DIAPH3: variants seen among roughly 807,000 people sequenced by gnomAD.
The protein encoded by DIAPH3 is diaphanous related formin 3.
A neutral mutation model predicts 144.3 loss-of-function variants in DIAPH3; 117 were observed. That is an observed-to-expected ratio of 0.81 (90% confidence interval 0.70 to 0.95). DIAPH3 has a LOEUF of 0.95. DIAPH3 is among the 40% of genes least tolerant of loss of function. The pLI is 0.00. For missense variants in DIAPH3, 1,421 were observed against 1,412.7 expected, an observed-to-expected ratio of 1.01 and a Z score of -0.09; for synonymous variants, 519 against 488.9, an observed-to-expected ratio of 1.06 and a Z score of -0.81.
chr13:60,079,217 G>C (rs561521199), intron 4 of DIAPH3, among the ~76,000 whole-genome samples: 2 of 152,026 alleles, frequency 1.3e-5, no homozygotes, highest in African/African-American at 2.4e-5. Context: ...AAAAAATAAA[G>C]CATGATTTAT....
chr13:59,934,969 T>G (rs1322303273), intron 17 of DIAPH3, among the ~76,000 whole-genome samples: 1 of 152,190 alleles, frequency 6.6e-6, no homozygotes, highest in Non-Finnish European at 1.5e-5. Context: ...AAGAGAAATG[T>G]TTAGTCTCCA....
chr13:59,713,419 T>C (rs1248423816), intron 27 of DIAPH3, among the ~76,000 whole-genome samples: 4 of 152,096 alleles, frequency 2.6e-5, no homozygotes, highest in Admixed American at 2.0e-4. Context: ...TCTGTAAACA[T>C]CTTACAATTA....
intron 27 of DIAPH3, among the ~76,000 whole-genome samples, chr13:59,689,789 C>A (rs1278051448): frequency 2.5e-5 from 2 of 79,612 alleles, no homozygotes; most frequent in Non-Finnish European, 5.3e-5. Flanking sequence ...CTGTATTAAG[C>A]AGTGTGTGTG....
In DIAPH3 at chr13:59,872,155, G is replaced by C. The variant is rs947010450; in HGVS notation, c.2607+7074C>G. Among the ~76,000 whole-genome samples, 3 of 151,934 alleles carry C rather than the reference G, an allele frequency of 2.0e-5. No homozygotes were observed. The East Asian group carries it at 5.8e-4, about 29-fold the overall frequency. On this transcript the variant is annotated intron_variant, in intron 21 of 27. Coordinates refer to ENST00000400324, the MANE Select transcript of DIAPH3 (RefSeq NM_001042517.2). ...TGCTCTTCTTTTTCTTGTTTCCTAA[G>C]GTTAAAGATTATTCTTTTTAGATCT...
At chr13:60,123,509 T>G (rs1421170160) in intron 2 of DIAPH3, among the ~76,000 whole-genome samples, 1 of 152,182 alleles carries the variant, frequency 6.6e-6, no homozygotes, top group East Asian at 1.9e-4. Flanking sequence ...TATTTAAAGA[T>G]TCTAAGATAG....
At chr13:59,755,468 C>T (rs553150165) in intron 27 of DIAPH3, among the ~76,000 whole-genome samples, 69 of 151,954 alleles carry the variant, frequency 4.5e-4, no homozygotes, top group African/African-American at 1.6e-3. Context: ...AGAAACGGTT[C>T]ATCAAAAACA....
intron 25 of DIAPH3, among the ~76,000 whole-genome samples, chr13:59,780,008 A>G (rs1441273315): frequency 6.6e-6 from 1 of 152,124 alleles, no homozygotes; most frequent in East Asian, 1.9e-4. Flanking sequence ...TTCACCTGGC[A>G]TATGGTACGG....
chr13:60,025,845 AT>A (rs1164500440), intron 5 of DIAPH3, among the ~76,000 whole-genome samples: 2 of 152,172 alleles, frequency 1.3e-5, no homozygotes, highest in African/African-American at 4.8e-5. Flanking sequence ...ACTGTGTGCC[AT>A]AAACACTATT....
At chr13:59,810,971 G>T in intron 24 of DIAPH3, 48 bp from the exon 25 acceptor site, 1 of 1,524,448 alleles carries the variant, frequency 6.6e-7, no homozygotes, top group Non-Finnish European at 8.9e-7. Context: ...GATTCATCCC[G>T]CAAAATGGAA....
At chr13:59,718,991 A>G (rs887989869) in intron 27 of DIAPH3, among the ~76,000 whole-genome samples, 2 of 152,198 alleles carry the variant, frequency 1.3e-5, no homozygotes, top group Non-Finnish European at 2.9e-5. Flanking sequence ...ACACAATATA[A>G]TGATGACTGA....
chr13:59,911,679 G>A (rs1300810740), intron 20 of DIAPH3, 56 bp downstream of exon 20: 2 of 1,267,474 alleles, frequency 1.6e-6, no homozygotes, highest in Admixed American at 3.4e-5. Flanking sequence ...AAAAACAGTT[G>A]ACAGGTTCTC....
chr13:59,862,945 G>T (rs1410971283), intron 21 of DIAPH3, among the ~76,000 whole-genome samples: 1 of 152,078 alleles, frequency 6.6e-6, no homozygotes, highest in Non-Finnish European at 1.5e-5. Context: ...AACCTCAGAG[G>T]AATAAACTGG....
chr13:60,097,496 G>T (rs936018957), intron 3 of DIAPH3, among the ~76,000 whole-genome samples: 1 of 152,122 alleles, frequency 6.6e-6, no homozygotes, highest in Non-Finnish European at 1.5e-5. Context: ...GCTCCCTGAG[G>T]CCCTCACCAA....
chr13:59,756,582 A>G (rs1321810794), intron 27 of DIAPH3, among the ~76,000 whole-genome samples: 1 of 151,992 alleles, frequency 6.6e-6, no homozygotes, highest in Non-Finnish European at 1.5e-5. Flanking sequence ...AATCTGCTAA[A>G]GTTGCTGTTA....
intron 27 of DIAPH3, among the ~76,000 whole-genome samples, chr13:59,742,554 CT>C (rs1319910594): frequency 6.6e-4 from 57 of 86,228 alleles, no homozygotes; most frequent in African/African-American, 2.5e-3. Flanking sequence ...AGCATGGATG[CT>C]GCTAAAAGAA....
intron 25 of DIAPH3, among the ~76,000 whole-genome samples, chr13:59,784,137 C>T (rs1382670648): frequency 6.6e-6 from 1 of 151,076 alleles, no homozygotes; most frequent in Non-Finnish European, 1.5e-5. Context: ...GGCTGGAGTG[C>T]AGTGGCGCGA....
At chr13:59,820,174 A>T (rs1471412791) in intron 24 of DIAPH3, among the ~76,000 whole-genome samples, 1 of 151,970 alleles carries the variant, frequency 6.6e-6, no homozygotes, top group Non-Finnish European at 1.5e-5. Flanking sequence ...CTTCCATCAA[A>T]CATATGGGGG....
At chr13:60,019,152 T>C (rs956762751) in intron 5 of DIAPH3, among the ~76,000 whole-genome samples, 2 of 152,148 alleles carry the variant, frequency 1.3e-5, no homozygotes, top group Non-Finnish European at 2.9e-5. Flanking sequence ...GACAGAGGTT[T>C]ATTGAGATCC....
intron 2 of DIAPH3, among the ~76,000 whole-genome samples, chr13:60,126,539 A>G (rs2058996011): frequency 6.6e-6 from 1 of 152,314 alleles, no homozygotes; most frequent in African/African-American, 2.4e-5. Flanking sequence ...ACTTCTCTCA[A>G]TAATTGTTAG....
Sources: allele counts gnomAD v4.1 joint callset (sites outside exome capture counted in the v4.1 genomes callset), GRCh38; gene constraint gnomAD v4.1.1; transcripts MANE v1.5; gene names NCBI Gene and HGNC (gene_info 2026-07-23, HGNC 2026-07-21).